GNG12: variants seen among roughly 807,000 people sequenced by gnomAD.
GNG12 encodes the protein guanine nucleotide-binding protein G(I)/G(S)/G(O) subunit gamma-12.
For synonymous variants in GNG12, 28 were observed against 29.7 expected (o/e 0.94, Z 0.19); for missense variants, 69 against 83.8 (o/e 0.82, Z 0.69).
intron 1 of GNG12, among the ~76,000 whole-genome samples, chr1:67,784,288 G>A (rs1334109586): frequency 4.1e-4 from 57 of 139,682 alleles, no homozygotes; most frequent in South Asian, 2.4e-3. Flanking sequence ...GACACAGGAA[G>A]GGGAACATCA....
intron 2 of GNG12, among the ~76,000 whole-genome samples, chr1:67,769,211 T>G (rs538366495): frequency 6.6e-6 from 1 of 152,250 alleles, no homozygotes; most frequent in South Asian, 2.1e-4. Flanking sequence ...ACTTGCTCAT[T>G]TGAGACGCTG....
intron 1 of GNG12, among the ~76,000 whole-genome samples, chr1:67,827,586 C>T (rs924383623): frequency 4.6e-5 from 7 of 152,150 alleles, no homozygotes; most frequent in South Asian, 2.1e-4. Context: ...CCACCACGCC[C>T]GGCTAATTTT....
intron 2 of GNG12, among the ~76,000 whole-genome samples, chr1:67,710,138 TTA>T (rs57196949): frequency 0.073 from 405 of 5,572 alleles, 6 homozygotes; most frequent in East Asian, 0.14. Context: ...ATATATATAG[TTA>T]TATATATATA....
rs1476090588 is a variant in GNG12 at position 67,704,002 on chromosome 1, C to T, written c.*1449G>A. On this transcript the variant is annotated 3_prime_UTR_variant, in exon 4 of 4. Transcript: ENST00000370982. ...GAAGAAGAATTAAAGCATCAAAGGC[C>T]TAGTGTATGATTTGACTCCGAAGTG... 6.6e-6 allele frequency: 1 copy of T among 152,186 alleles called. No individual in the cohort carries two copies. Among genetic ancestry groups the T allele is most frequent in the East Asian group, 1.9e-4 (1 of 5,198 alleles). 9.4% of individuals were successfully genotyped at this position (152,186 alleles called of 1,614,324 possible).
At chr1:67,714,154 G>A (rs1253983591) in intron 2 of GNG12, among the ~76,000 whole-genome samples, 1 of 152,190 alleles carries the variant, frequency 6.6e-6, no homozygotes, top group Non-Finnish European at 1.5e-5. Flanking sequence ...GAAAAATGGA[G>A]AGATTTCCTT....
intron 1 of GNG12, among the ~76,000 whole-genome samples, chr1:67,832,910 G>C (rs1161570180): frequency 6.6e-6 from 1 of 152,200 alleles, no homozygotes; most frequent in African/African-American, 2.4e-5. Flanking sequence ...GCCACGGCTG[G>C]GAACACTGGG....
chr1:67,782,618 A>G (rs143736514), intron 1 of GNG12, among the ~76,000 whole-genome samples: 94 of 152,316 alleles, frequency 6.2e-4, no homozygotes, highest in African/African-American at 2.1e-3. Flanking sequence ...TAACTTGCAG[A>G]TAAGTTGGGG....
intron 2 of GNG12, among the ~76,000 whole-genome samples, chr1:67,764,923 T>G (rs1436447102): frequency 6.6e-6 from 1 of 152,122 alleles, no homozygotes; most frequent in Admixed American, 6.6e-5. Flanking sequence ...CTGGGAAAAA[T>G]ATATCCGTCT....
chr1:67,818,424 T>G (rs1646966252), intron 1 of GNG12, among the ~76,000 whole-genome samples: 1 of 147,820 alleles, frequency 6.8e-6, no homozygotes, highest in African/African-American at 2.5e-5. Flanking sequence ...TTTTTTTTTT[T>G]TTTTTTTTTT....
chr1:67,789,601 T>C (rs563424078), intron 1 of GNG12, among the ~76,000 whole-genome samples: 2 of 152,342 alleles, frequency 1.3e-5, no homozygotes, highest in Middle Eastern at 3.4e-3. Context: ...TTACTCTTTT[T>C]GCCGACACCT....
At chr1:67,765,761 G>C (rs891322014) in intron 2 of GNG12, among the ~76,000 whole-genome samples, 2 of 152,164 alleles carry the variant, frequency 1.3e-5, no homozygotes, top group East Asian at 1.9e-4. Context: ...TAAACTAGCA[G>C]GACTAAATCA....
intron 1 of GNG12, among the ~76,000 whole-genome samples, chr1:67,786,918 C>G (rs1369659716): frequency 7.0e-6 from 1 of 142,266 alleles, no homozygotes; most frequent in Non-Finnish European, 1.5e-5. Flanking sequence ...GCCTAGGTAA[C>G]AGAGACTTAT....
intron 3 of GNG12, among the ~76,000 whole-genome samples, chr1:67,706,396 AAG>A (rs1646247662): frequency 6.6e-6 from 1 of 152,178 alleles, no homozygotes; most frequent in Non-Finnish European, 1.5e-5. Context: ...CGGAAGTAAA[AAG>A]AGAGACGAAA....
In GNG12 at chr1:67,701,516, A is replaced by C. The variant is rs1250022138; in HGVS notation, c.*3935T>G. On this transcript the variant is annotated 3_prime_UTR_variant, in exon 4 of 4. Transcript: ENST00000370982. ...TATTGAGCAAAACACAAGTAGGATG[A>C]TACAATGAGGCACTGACGCAGTACA... 4 of 152,662 alleles carry C rather than the reference A, an allele frequency of 2.6e-5. No homozygotes were observed. The highest frequency in any genetic ancestry group is 9.6e-5 in the African/African-American group (4 of 41,468). The allele number at this position is 152,662 out of a possible 1,614,324, so 9.5% of individuals were successfully genotyped here.
intron 1 of GNG12, among the ~76,000 whole-genome samples, chr1:67,818,462 C>T (rs12132247): frequency 0.34 from 45,970 of 136,908 alleles, 7,672 homozygotes; most frequent in Middle Eastern, 0.52. Context: ...CAATATGGAC[C>T]AATTCTTTCA....
rs182480183 is a variant in GNG12, at chr1:67,782,043, C to T, written c.-76-4536G>A. 1.2e-3 allele frequency among the ~76,000 whole-genome samples: 178 copies of T among 152,278 alleles called. 2 individuals are homozygous for T. Among genetic ancestry groups the T allele is most frequent in the African/African-American group, 4.1e-3 (172 of 41,554 alleles). ...GGCCAAGCAGCCACAGAGGCAGCTA[C>T]TCTATGCAACAGCACAGGTACTATA... On this transcript the variant is annotated intron_variant, in intron 1 of 3. Coordinates refer to ENST00000370982, the MANE Select transcript of GNG12 (RefSeq NM_018841.6).
intron 1 of GNG12, among the ~76,000 whole-genome samples, chr1:67,801,420 G>A (rs1473790633): frequency 2.0e-5 from 3 of 152,164 alleles, no homozygotes; most frequent in South Asian, 2.1e-4. Context: ...TTGAACCCAG[G>A]TCTTTGGGCA....
chr1:67,787,919 C>T (rs908611689), intron 1 of GNG12, among the ~76,000 whole-genome samples: 1 of 152,152 alleles, frequency 6.6e-6, no homozygotes, highest in African/African-American at 2.4e-5. Flanking sequence ...AGTCTCATGT[C>T]CCAGGAATCC....
rs188511334 is a variant in GNG12, at chr1:67,737,241, G to A, written c.-26-29529C>T. Among the ~76,000 whole-genome samples, 115 of 152,282 alleles carry A rather than the reference G, an allele frequency of 7.6e-4. 1 individual carries two copies. The East Asian group carries it at 0.014, about 18-fold the overall frequency. ...TGCATTGCCAAATGGCCTGTGCTTAGGGGATTATAAATGGATTTTGAAACT... is the reference window on the plus strand; with the variant it reads ...TGCATTGCCAAATGGCCTGTGCTTAAGGGATTATAAATGGATTTTGAAACT... On this transcript the variant is annotated intron_variant, in intron 2 of 3. Coordinates refer to ENST00000370982, the MANE Select transcript of GNG12 (RefSeq NM_018841.6).
Sources: gnomAD v4.1 joint callset for allele counts (sites outside exome capture counted in the v4.1 genomes callset) on GRCh38, gnomAD v4.1.1 for gene constraint, MANE v1.5 for transcripts, NCBI Gene and HGNC (gene_info 2026-07-23, HGNC 2026-07-21) for gene names.